PPM1H: variants seen among roughly 807,000 people sequenced by gnomAD.
The protein encoded by PPM1H is protein phosphatase 1H.
In PPM1H, 27 loss-of-function variants were observed where a neutral mutation model predicts 54.9. That is an observed-to-expected ratio of 0.49 (90% CI 0.36 to 0.68). The LOEUF (loss-of-function observed/expected upper bound fraction) is 0.68, where lower values mean the gene tolerates loss of function less well. Ranked by LOEUF, PPM1H falls within the 30% of genes least tolerant of loss-of-function variation. The probability of loss-of-function intolerance (pLI) is 0.00; values close to 1 mark genes in which losing one functional copy is unlikely to be tolerated. For synonymous variants in PPM1H, 305 were observed against 270.8 expected, an observed-to-expected ratio of 1.13 and a Z score of -1.24; for missense variants, 596 against 667.8, an observed-to-expected ratio of 0.89 and a Z score of 1.19.
chr12:62,872,507 G>A (rs1870022374), intron 1 of PPM1H, among the ~76,000 whole-genome samples: 1 of 152,182 alleles, frequency 6.6e-6, no homozygotes, highest in Admixed American at 6.5e-5. Context: ...ATCGATTGAT[G>A]TCAGTAGGTG....
chr12:62,667,357 T>G (rs2075925337), intron 8 of PPM1H, 28 bp from the exon 9 acceptor site: 3 of 1,510,736 alleles, frequency 2.0e-6, no homozygotes, highest in Admixed American at 4.1e-5. Context: ...TACTACCACT[T>G]AAGAAATTGG....
chr12:62,934,782 G>A lies in PPM1H; in HGVS notation c.-46C>T. ...CAGCGGTGCGAGCAGGAGGCGGCGG[G>A]GGCCGGGCAAGGCGCAGCGCGGGGC... is the stretch of plus-strand genomic sequence containing the variant. On this transcript the variant is annotated 5_prime_UTR_variant, in exon 1 of 10. Coordinates refer to ENST00000228705, the MANE Select transcript of PPM1H (RefSeq NM_020700.2). This position sits in a 1 kb window ranked among gnomAD's most constrained non-coding sequence, Gnocchi z 4.2. 1 of 1,443,006 alleles carries A rather than the reference G, an allele frequency of 6.9e-7. No individual in the cohort carries two copies. The highest frequency in any genetic ancestry group is 2.5e-4 in the Middle Eastern group (1 of 4,026). The allele number at this position is 1,443,006 out of a possible 1,614,324, so 89.4% of individuals were successfully genotyped here.
At chr12:62,678,078 C>G (rs1379073315) in intron 8 of PPM1H, among the ~76,000 whole-genome samples, 1 of 152,120 alleles carries the variant, frequency 6.6e-6, no homozygotes, top group Non-Finnish European at 1.5e-5. Context: ...TCCCAAGAAG[C>G]TGGTACCACA....
chr12:62,933,506 G>GC (rs1320184537), intron 1 of PPM1H, among the ~76,000 whole-genome samples: 18 of 152,172 alleles, frequency 1.2e-4, no homozygotes, highest in Non-Finnish European at 2.6e-4. Context: ...AGGAAAAGGC[G>GC]CAGGTGTGCC....
rs1455668724 is a variant in PPM1H at position 62,680,186 on chromosome 12, G to A, written c.1245+9513C>T. On this transcript the variant is annotated intron_variant, in intron 8 of 9. Coordinates refer to ENST00000228705, the MANE Select transcript of PPM1H (RefSeq NM_020700.2). ...TTAAGAAGCCTTGCTGATGCTGCCT[G>A]GGACTATTTTCATTTCTCCTTTTCT... Among the ~76,000 whole-genome samples, 7 of 152,022 alleles carry A rather than the reference G, an allele frequency of 4.6e-5. No homozygotes were observed. In the East Asian group the frequency reaches 7.7e-4, roughly 17 times the overall value.
At chr12:62,747,141 C>T (rs367582984) in intron 4 of PPM1H, among the ~76,000 whole-genome samples, 7 of 144,688 alleles carry the variant, frequency 4.8e-5, no homozygotes, top group African/African-American at 1.5e-4. Context: ...GGTTTTTTTT[C>T]TTTTTTTTTT....
intron 3 of PPM1H, among the ~76,000 whole-genome samples, chr12:62,790,431 G>A (rs2076695830): frequency 6.6e-6 from 1 of 152,160 alleles, no homozygotes; most frequent in Non-Finnish European, 1.5e-5. Flanking sequence ...AATTAGCTGG[G>A]TGTGGTGGCA....
intron 1 of PPM1H, among the ~76,000 whole-genome samples, chr12:62,897,128 A>G (rs528019249): frequency 1.3e-5 from 2 of 151,594 alleles, no homozygotes; most frequent in South Asian, 4.2e-4. Flanking sequence ...GAGGGATAAC[A>G]TTAGGAAAAA....
chr12:62,926,752 T>C (rs1871982459), intron 1 of PPM1H, among the ~76,000 whole-genome samples: 2 of 152,032 alleles, frequency 1.3e-5, no homozygotes, highest in South Asian at 4.2e-4. Flanking sequence ...GTTGGGAGCT[T>C]GAGACCAGCC....
At chr12:62,713,544 C>G (rs2076218904) in intron 6 of PPM1H, among the ~76,000 whole-genome samples, 1 of 152,102 alleles carries the variant, frequency 6.6e-6, no homozygotes, top group Non-Finnish European at 1.5e-5. Flanking sequence ...TGACTGATGC[C>G]CCTGAGGATC....
At chr12:62,766,531 C>G (rs988844876) in intron 4 of PPM1H, among the ~76,000 whole-genome samples, 1 of 151,712 alleles carries the variant, frequency 6.6e-6, no homozygotes, top group Admixed American at 6.6e-5. Context: ...TTACACAACT[C>G]AGGGCCCAAA....
At chr12:62,816,835 G>A (rs1164774403) in intron 2 of PPM1H, among the ~76,000 whole-genome samples, 3 of 151,692 alleles carry the variant, frequency 2.0e-5, no homozygotes, top group African/African-American at 7.3e-5. Flanking sequence ...AGTGAAGCAA[G>A]AAGAAATTTC....
At chr12:62,689,853 G>A (rs1305582078) in intron 7 of PPM1H, 47 bp from the exon 8 acceptor site, 3 of 1,353,432 alleles carry the variant, frequency 2.2e-6, no homozygotes, top group African/African-American at 2.9e-5. Flanking sequence ...CACAGTGAAA[G>A]CATCCCATTC....
intron 9 of PPM1H, among the ~76,000 whole-genome samples, chr12:62,657,002 G>C (rs112581919): frequency 0.038 from 5,731 of 152,170 alleles, 149 homozygotes; most frequent in Non-Finnish European, 0.054. Flanking sequence ...GAGTTCTTAA[G>C]CAGGTGAAGC....
At chr12:62,873,981 G>A (rs886722158) in intron 1 of PPM1H, among the ~76,000 whole-genome samples, 1 of 152,108 alleles carries the variant, frequency 6.6e-6, no homozygotes, top group African/African-American at 2.4e-5. Context: ...TCCTTGCAGG[G>A]GGAAATATAT....
At chr12:62,855,485 T>G (rs2120949982) in intron 1 of PPM1H, among the ~76,000 whole-genome samples, 1 of 152,206 alleles carries the variant, frequency 6.6e-6, no homozygotes, top group South Asian at 2.1e-4. Flanking sequence ...TCACAACAGA[T>G]TTTGAACACT....
rs140791675 is a variant in PPM1H at position 62,925,879 on chromosome 12, C to T, written c.245+8613G>A. On this transcript the variant is annotated intron_variant, in intron 1 of 9. Transcript: ENST00000228705. ...ACTATTTGCCTGTTGACACATTTGT[C>T]TATTTGGTCATTTCATCTGTCTTCT... Among the ~76,000 whole-genome samples the T allele has an allele frequency of 4.7e-3, 710 of 152,334 alleles. 9 individuals are homozygous for T. Among genetic ancestry groups the T allele is most frequent in the Middle Eastern group, 0.01 (3 of 294 alleles).
intron 4 of PPM1H, among the ~76,000 whole-genome samples, chr12:62,773,149 A>G (rs1157853979): frequency 6.6e-6 from 1 of 151,942 alleles, no homozygotes. Flanking sequence ...TCCGTCTCAA[A>G]AAAACAAAAC....
intron 1 of PPM1H, among the ~76,000 whole-genome samples, chr12:62,856,990 T>C (rs1289071148): frequency 6.6e-6 from 1 of 152,160 alleles, no homozygotes; most frequent in Non-Finnish European, 1.5e-5. Context: ...TTTCTTAAAT[T>C]GGGTAATACA....
Sources: gnomAD v4.1 joint callset for allele counts (sites outside exome capture counted in the v4.1 genomes callset) on GRCh38, gnomAD v4.1.1 for gene constraint, Gnocchi (gnomAD v3.1) non-coding constraint, MANE v1.5 for transcripts, NCBI Gene and HGNC (gene_info 2026-07-23, HGNC 2026-07-21) for gene names.